Variants in CYTH3 observed in about 807,000 individuals in gnomAD.
The protein encoded by CYTH3 is cytohesin-3.
A neutral mutation model predicts 55.1 loss-of-function variants in CYTH3; 23 were observed. The ratio of observed to expected loss-of-function variants is 0.42; its 90% CI spans 0.30 to 0.59. CYTH3 has a LOEUF of 0.59. CYTH3 is among the 20% of genes least tolerant of loss of function. The pLI is 0.20. For synonymous variants in CYTH3, 249 were observed against 194.9 expected (o/e 1.28, Z -2.31); for missense variants, 413 against 524.8 (o/e 0.79, Z 2.08).
intron 2 of CYTH3, 87 bp downstream of exon 2, chr7:6,190,362 A>G (rs1236993205): frequency 1.3e-6 from 1 of 753,100 alleles, no homozygotes; most frequent in Non-Finnish European, 1.7e-6. Flanking sequence ...TTTTTTTTTT[A>G]CATTTTTGTG....
chr7:6,245,210 G>C (rs545739347), intron 1 of CYTH3, among the ~76,000 whole-genome samples: 8 of 152,092 alleles, frequency 5.3e-5, no homozygotes, highest in African/African-American at 1.9e-4. Context: ...GTAAGGTTGT[G>C]TGCCAAAGAA....
chr7:6,248,971 A>G (rs1481461790), intron 1 of CYTH3, among the ~76,000 whole-genome samples: 1 of 152,166 alleles, frequency 6.6e-6, no homozygotes, highest in Non-Finnish European at 1.5e-5. Flanking sequence ...TCAGTGTTCT[A>G]TCTTCTGAAT....
chr7:6,187,748 G>T (rs754179703), intron 2 of CYTH3, 27 bp from the exon 3 acceptor site: 3 of 1,603,054 alleles, frequency 1.9e-6, no homozygotes, highest in South Asian at 2.2e-5. Context: ...ATTTCGAGGT[G>T]GGGAGTGGGT....
chr7:6,188,167 AAAG>A (rs1434079814), intron 2 of CYTH3, among the ~76,000 whole-genome samples: 2 of 152,046 alleles, frequency 1.3e-5, no homozygotes, highest in Non-Finnish European at 2.9e-5. Context: ...TTGCTACAAA[AAAG>A]AAAAACAGAA....
At chr7:6,255,617 A>G (rs1413056241) in intron 1 of CYTH3, among the ~76,000 whole-genome samples, 1 of 152,022 alleles carries the variant, frequency 6.6e-6, no homozygotes, top group African/African-American at 2.4e-5. Flanking sequence ...CCTCATCAAG[A>G]TAGGGAGGGA....
At chr7:6,175,548 T>C (rs1783325896) in intron 5 of CYTH3, among the ~76,000 whole-genome samples, 1 of 143,964 alleles carries the variant, frequency 6.9e-6, no homozygotes, top group Admixed American at 6.8e-5. Context: ...CTTTAGTCTT[T>C]TTTTTTTTTT....
chr7:6,227,718 T>C (rs990862441), intron 1 of CYTH3, among the ~76,000 whole-genome samples: 2 of 152,246 alleles, frequency 1.3e-5, no homozygotes, highest in Admixed American at 6.5e-5. Context: ...TTACGAAGTT[T>C]GTATTCCTCC....
chr7:6,206,943 T>C (rs1029394172), intron 1 of CYTH3, among the ~76,000 whole-genome samples: 2 of 152,156 alleles, frequency 1.3e-5, no homozygotes, highest in African/African-American at 4.8e-5. Context: ...ACAGAATAAA[T>C]GCTTCATAAA....
intron 1 of CYTH3, among the ~76,000 whole-genome samples, chr7:6,246,799 A>G (rs11972494): frequency 0.048 from 7,313 of 152,054 alleles, 585 homozygotes; most frequent in African/African-American, 0.17. Flanking sequence ...AGTATTTACA[A>G]TATTTGACTT....
chr7:6,205,335 G>T (rs961807807), intron 1 of CYTH3, among the ~76,000 whole-genome samples: 4 of 152,190 alleles, frequency 2.6e-5, no homozygotes, highest in African/African-American at 9.7e-5. Context: ...AACTTTGGGA[G>T]TCCAAGGTGG....
rs953446509 is a variant in CYTH3, at chr7:6,162,361, G to A, written c.*2583C>T. ...CACTGCCTCCTGGCCTCTGTCTCTG[G>A]AAAAAAGTATCTTTGGCCAGAGTTG... On this transcript the variant is annotated 3_prime_UTR_variant, in exon 13 of 13. Coordinates refer to ENST00000350796, the MANE Select transcript of CYTH3 (RefSeq NM_004227.4). 3 of 152,244 alleles carry A rather than the reference G, an allele frequency of 2.0e-5. No individual in the cohort carries two copies. The highest frequency in any genetic ancestry group is 7.2e-5 in the African/African-American group (3 of 41,460). 9.4% of individuals were successfully genotyped at this position (152,244 alleles called of 1,614,324 possible).
rs377052211 is a variant in CYTH3, at chr7:6,170,504, A to C, written c.823+31T>G. 6.2e-7 allele frequency: 1 copy of C among 1,602,066 alleles called. No homozygotes were observed. The highest frequency in any genetic ancestry group is 8.5e-7 in the Non-Finnish European group (1 of 1,170,988). ...GGCTGCTGCCATGGGCAGAGGGGTC[A>C]CGCCCGGGTCCCGCTGGGCCGGCGG... On this transcript the variant is annotated intron_variant, in intron 9 of 12. Transcript: ENST00000350796. This position sits in a 1 kb window ranked among gnomAD's most constrained non-coding sequence, Gnocchi z 7.8.
chr7:6,173,555 A>C, intron 6 of CYTH3, 98 bp downstream of exon 6: 1 of 788,044 alleles, frequency 1.3e-6, no homozygotes, highest in Non-Finnish European at 2.3e-6. Flanking sequence ...CTCGTGTGGC[A>C]CCAAGTTACC....
intron 1 of CYTH3, among the ~76,000 whole-genome samples, chr7:6,257,321 TTGTC>T (rs1337112107): frequency 6.6e-6 from 1 of 151,980 alleles, no homozygotes; most frequent in Non-Finnish European, 1.5e-5. Flanking sequence ...CTGAATTCAT[TTGTC>T]TGATCCTTTC....
intron 9 of CYTH3, among the ~76,000 whole-genome samples, chr7:6,166,700 G>C (rs910187273): frequency 6.6e-6 from 1 of 152,166 alleles, no homozygotes; most frequent in African/African-American, 2.4e-5. Flanking sequence ...CCAGCTGCAG[G>C]TGGGAGGAAG....
At chr7:6,261,908 A>C (rs781750452) in intron 1 of CYTH3, among the ~76,000 whole-genome samples, 12 of 152,156 alleles carry the variant, frequency 7.9e-5, no homozygotes, top group Non-Finnish European at 1.5e-4. Context: ...ACACACTTAC[A>C]AGGCATCCAA....
chr7:6,260,238 C>T (rs1239345813), intron 1 of CYTH3, among the ~76,000 whole-genome samples: 1 of 151,986 alleles, frequency 6.6e-6, no homozygotes, highest in African/African-American at 2.4e-5. Flanking sequence ...GCTGACAAAC[C>T]CGCTTTTTAA....
intron 1 of CYTH3, among the ~76,000 whole-genome samples, chr7:6,239,072 A>T (rs1779604424): frequency 6.6e-6 from 1 of 152,060 alleles, no homozygotes; most frequent in Admixed American, 6.6e-5. Flanking sequence ...AAATTAGCCA[A>T]GCATGGTGGT....
At chr7:6,244,820 GCT>G (rs1779760480) in intron 1 of CYTH3, among the ~76,000 whole-genome samples, 1 of 150,848 alleles carries the variant, frequency 6.6e-6, no homozygotes, top group South Asian at 2.1e-4. Flanking sequence ...ACAGATTCTT[GCT>G]CTGTCACCCA....
Sources: allele counts gnomAD v4.1 joint callset (sites outside exome capture counted in the v4.1 genomes callset), GRCh38; gene constraint gnomAD v4.1.1; non-coding constraint Gnocchi (gnomAD v3.1); transcripts MANE v1.5; gene names NCBI Gene and HGNC (gene_info 2026-07-23, HGNC 2026-07-21).